Variants in ITIH1 observed in about 807,000 individuals in gnomAD.
ITIH1 encodes the protein inter-alpha-trypsin inhibitor heavy chain 1, also known as inter-alpha-trypsin inhibitor heavy chain H1.
Under a neutral mutation model 104.6 loss-of-function variants are expected in ITIH1, and 94 were observed. The ratio of observed to expected loss-of-function variants is 0.90; its 90% CI spans 0.76 to 1.07. ITIH1 has a LOEUF of 1.07. ITIH1 is among the 50% of genes least tolerant of loss of function. ITIH1 has a pLI of 0.00. For missense variants in ITIH1, 1,193 were observed against 1,181.4 expected, an observed-to-expected ratio of 1.01 and a Z score of -0.14; for synonymous variants, 455 against 464.4, an observed-to-expected ratio of 0.98 and a Z score of 0.26.
rs1578728787 is a variant in ITIH1 at position 52,779,849 on chromosome 3, A to G, written c.573+255A>G. 7.5e-6 allele frequency: 10 copies of G among 1,339,178 alleles called. No individual in the cohort carries two copies. The South Asian group carries it at 1.4e-4, about 19-fold the overall frequency. The allele number at this position is 1,339,178 out of a possible 1,614,324, so 83.0% of individuals were successfully genotyped here. On this transcript the variant is annotated intron_variant, in intron 5 of 21. Transcript: ENST00000273283. This position sits in a 1 kb window ranked among gnomAD's most constrained non-coding sequence, Gnocchi z 4.4. ...TTTCTGTGAGTCCCAGGACCGCCAC[A>G]GGGATCACGAGAAGTACTGAATGTC...
Position 52,790,773 on chromosome 3 carries a change from G to T in ITIH1, c.2346G>T (p.Lys782Asn). 1 of 1,612,944 alleles carries T rather than the reference G, an allele frequency of 6.2e-7. No individual in the cohort carries two copies. The highest frequency in any genetic ancestry group is 8.5e-7 in the Non-Finnish European group (1 of 1,179,588). ...QDGVVVTINK[K>N]RNLVVSVDDG... The stretch of plus-strand genomic sequence containing the variant: ...GGGTGGTGGTGACCATCAACAAGAA[G>T]AGGAACCTGGTGGTGTCTGTGGACG... The change falls in exon 20 of 22, where the codon AAG becomes AAT. Residue 782 changes from lysine (K) to asparagine (N), a missense_variant. Lys to Asn is a moderately conservative substitution (Grantham distance 94). Transcript: ENST00000273283.
chr3:52,787,464 C>A, intron 15 of ITIH1, 128 bp from the exon 16 acceptor site: 2 of 1,174,798 alleles, frequency 1.7e-6, no homozygotes, highest in Non-Finnish European at 2.5e-6. Context: ...GAGGCAGGAC[C>A]CCAGGGGAGG....
chr3:52,779,975 C>T lies in ITIH1; in HGVS notation c.574-294C>T, dbSNP rs1209106812. The T allele has an allele frequency of 2.2e-6, 3 of 1,390,102 alleles. No individual in the cohort carries two copies. The highest frequency in any genetic ancestry group is 2.8e-6 in the Non-Finnish European group (3 of 1,073,690). The allele number at this position is 1,390,102 out of a possible 1,614,324, so 86.1% of individuals were successfully genotyped here. A position where few individuals can be genotyped will look rare whatever the true frequency, so the allele number is the denominator to read the frequency against. ...GAGTTGAGGGATGCAGGCATGTACACCTTCATTTGGTCAGTATTTTTGGAG... is the reference window on the plus strand; with the variant it reads ...GAGTTGAGGGATGCAGGCATGTACATCTTCATTTGGTCAGTATTTTTGGAG... On this transcript the variant is annotated intron_variant, in intron 5 of 21. Coordinates refer to ENST00000273283, the MANE Select transcript of ITIH1 (RefSeq NM_002215.4). The surrounding 1 kb of genome is among the most constrained non-coding windows in gnomAD (Gnocchi z 4.4).
At chr3:52,785,351 C>T (rs1699174812) in intron 12 of ITIH1, 122 bp downstream of exon 12, 1 of 881,680 alleles carries the variant, frequency 1.1e-6, no homozygotes, top group African/African-American at 1.7e-5. Flanking sequence ...GTACCCTCAT[C>T]CCCACCATGC....
intron 9 of ITIH1, 22 bp from the exon 10 acceptor site, chr3:52,783,192 G>T (rs373555773): frequency 1.2e-6 from 2 of 1,613,984 alleles, no homozygotes; most frequent in South Asian, 1.1e-5. Context: ...GCATACACTG[G>T]TCTGCTTTCT....
chr3:52,790,669 G>A (rs1578744064), intron 19 of ITIH1, 80 bp from the exon 20 acceptor site: 1 of 1,442,490 alleles, frequency 6.9e-7, no homozygotes, highest in African/African-American at 1.4e-5. Flanking sequence ...ATAAGGGTTG[G>A]GTCCCAGATG....
rs1699332680 is a variant in ITIH1, at chr3:52,790,782, G to A, written c.2355G>A (p.Leu785=). ...TGACCATCAACAAGAAGAGGAACCTGGTGGTGTCTGTGGACGACGGTGGCA... is the reference window on the plus strand; with the variant it reads ...TGACCATCAACAAGAAGAGGAACCTAGTGGTGTCTGTGGACGACGGTGGCA... ...VVVTINKKRN[L]VVSVDDGGTF... is the part of the protein sequence containing the mutation. The change falls in exon 20 of 22, where the codon CTG becomes CTA. Residue 785 remains leucine, a synonymous_variant. Coordinates refer to ENST00000273283, the MANE Select transcript of ITIH1 (RefSeq NM_002215.4). 3.1e-6 allele frequency: 5 copies of A among 1,613,204 alleles called. No homozygotes were observed. Among genetic ancestry groups the A allele is most frequent in the Non-Finnish European group, 4.2e-6 (5 of 1,179,666 alleles).
Position 52,780,345 on chromosome 3 carries a change from C to T in ITIH1, c.650C>T (p.Ala217Val). Residue 217 changes from alanine to valine, a missense_variant, in exon 6 of 22, where the codon GCA becomes GTA. Physicochemically the swap from Ala to Val is moderately conservative, Grantham distance 64. Coordinates refer to ENST00000273283, the MANE Select transcript of ITIH1 (RefSeq NM_002215.4). ...AQASFLPKEL[A>V]AQTIKKSFSG... ...GCCTCTTTCCTGCCGAAGGAACTGG[C>T]AGCCCAAACTATCAAGAAGTCCTTC... 1 of 1,614,026 alleles carries T rather than the reference C, an allele frequency of 6.2e-7. No individual in the cohort carries two copies. Among genetic ancestry groups the T allele is most frequent in the Non-Finnish European group, 8.5e-7 (1 of 1,179,944 alleles).
Position 52,788,352 on chromosome 3 carries a change from C to A in ITIH1, c.2119+7C>A. The A allele has an allele frequency of 1.3e-6, 2 of 1,542,470 alleles. No homozygotes were observed. The highest frequency in any genetic ancestry group is 8.9e-7 in the Non-Finnish European group (1 of 1,124,438). ...GTACAGGACCCCAACACAGGTATGG[C>A]GGGCATCACACCTCTGCCAGACAGG... On this transcript the variant is annotated splice_region_variant and intron_variant, in intron 18 of 21. Coordinates refer to ENST00000273283, the MANE Select transcript of ITIH1 (RefSeq NM_002215.4).
chr3:52,789,734 G>C lies in ITIH1; in HGVS notation c.2201G>C (p.Gly734Ala). ...QHDGTYFGRL[G>A]IANPATDFQL... is the part of the protein sequence containing the mutation. ...GACGGCACGTACTTCGGGCGGCTGGGAATCGCAAACCCTGCCACGGACTTT... is the reference window on the plus strand; with the variant it reads ...GACGGCACGTACTTCGGGCGGCTGGCAATCGCAAACCCTGCCACGGACTTT... The change falls in exon 19 of 22, where the codon GGA becomes GCA. Residue 734 changes from glycine (G) to alanine (A), a missense_variant. Coordinates refer to ENST00000273283, the MANE Select transcript of ITIH1 (RefSeq NM_002215.4). 6.2e-7 allele frequency: 1 copy of C among 1,614,230 alleles called. No homozygotes were observed. The highest frequency in any genetic ancestry group is 8.5e-7 in the Non-Finnish European group (1 of 1,180,042).
At chr3:52,786,486 C>T in intron 13 of ITIH1, 52 bp downstream of exon 13, 2 of 1,533,272 alleles carry the variant, frequency 1.3e-6, no homozygotes, top group Non-Finnish European at 1.8e-6. Context: ...CAGAGTCCCC[C>T]CACCCCTTGG....
intron 18 of ITIH1, among the ~76,000 whole-genome samples, chr3:52,789,358 G>C (rs777413759): frequency 1.3e-5 from 2 of 152,124 alleles, no homozygotes; most frequent in Non-Finnish European, 2.9e-5. Context: ...CCTGTGTGAG[G>C]GGCTGGGGCC....
intron 11 of ITIH1, 49 bp from the exon 12 acceptor site, chr3:52,784,995 T>C (rs758987184): frequency 3.8e-6 from 6 of 1,580,146 alleles, no homozygotes; most frequent in Non-Finnish European, 5.2e-6. Context: ...GGCTTCCCAT[T>C]AGGAGCCCAG....
In ITIH1 at chr3:52,779,920, G is replaced by A. The variant is rs1046705806; in HGVS notation, c.573+326G>A. 12 of 1,379,046 alleles carry A rather than the reference G, an allele frequency of 8.7e-6. No homozygotes were observed. The East Asian group carries it at 2.0e-4, about 23-fold the overall frequency. 85.4% of individuals were successfully genotyped at this position (1,379,046 alleles called of 1,614,324 possible). ...AAAGTCCCGCGCAGCCTGAGGGCCT[G>A]GAATTATTGCTGGCACCTAAGTGGT... On this transcript the variant is annotated intron_variant, in intron 5 of 21. Coordinates refer to ENST00000273283, the MANE Select transcript of ITIH1 (RefSeq NM_002215.4). This position sits in a 1 kb window ranked among gnomAD's most constrained non-coding sequence, Gnocchi z 4.4.
chr3:52,791,402 G>A, intron 20 of ITIH1, 115 bp from the exon 21 acceptor site: 3 of 729,292 alleles, frequency 4.1e-6, no homozygotes, highest in Non-Finnish European at 6.9e-6. Flanking sequence ...AAACAGTCAA[G>A]CCCTGGAAAA....
intron 20 of ITIH1, 73 bp from the exon 21 acceptor site, chr3:52,791,444 T>C: frequency 8.0e-7 from 1 of 1,242,840 alleles, no homozygotes; most frequent in Non-Finnish European, 1.2e-6. Context: ...AACCCCGCAG[T>C]GAGCACCTGC....
In ITIH1 at chr3:52,791,607, A is replaced by T; in HGVS notation, c.2585A>T (p.Asn862Ile). ...TKPDATMVVRNRRLTVTRGLQ... is the reference protein window; with the variant it reads ...TKPDATMVVRIRRLTVTRGLQ... ...CCAGATGCCACGATGGTGGTGAGGAACCGCCGGCTCACGGTCACCAGGTGG... is the reference window on the plus strand; with the variant it reads ...CCAGATGCCACGATGGTGGTGAGGATCCGCCGGCTCACGGTCACCAGGTGG... Residue 862 changes from asparagine to isoleucine, a missense_variant, in exon 21 of 22, where the codon AAC (asparagine) becomes ATC (isoleucine). Transcript: ENST00000273283. 6.2e-7 allele frequency: 1 copy of T among 1,614,028 alleles called. No homozygotes were observed.
chr3:52,790,513 G>C (rs1480244979), intron 19 of ITIH1: 3 of 485,632 alleles, frequency 6.2e-6, no homozygotes, highest in African/African-American at 6.1e-5. Context: ...CAGGCTCGGA[G>C]TGAGGATTGA....
rs1356984334 is a variant in ITIH1 at position 52,790,280 on chromosome 3, A to ATTCG, written c.2321+429_2321+430insGTTC. 1.8e-5 allele frequency: 5 copies of ATTCG among 270,326 alleles called. No homozygotes were observed. In the South Asian group the frequency reaches 2.0e-4, roughly 11 times the overall value. 16.7% of individuals were successfully genotyped at this position (270,326 alleles called of 1,614,324 possible). On this transcript the variant is annotated intron_variant, in intron 19 of 21. Coordinates refer to ENST00000273283, the MANE Select transcript of ITIH1 (RefSeq NM_002215.4). ...CCTTTACTAATTCGTTCATTCATTC[A>ATTCG]TTCATTCATTCAACAAACTGTGCCA... is the stretch of plus-strand genomic sequence containing the variant.
Sources: allele counts gnomAD v4.1 joint callset (sites outside exome capture counted in the v4.1 genomes callset), GRCh38; gene constraint gnomAD v4.1.1; non-coding constraint Gnocchi (gnomAD v3.1); transcripts MANE v1.5; gene names NCBI Gene and HGNC (gene_info 2026-07-23, HGNC 2026-07-21).